The following CAMTA1 variants were observed in gnomAD, a reference collection of about 807,000 sequenced individuals.
CAMTA1 encodes calmodulin-binding transcription activator 1.
In CAMTA1, 27 loss-of-function variants were observed where a neutral mutation model predicts 170.9. That is an observed-to-expected ratio of 0.16 (90% CI 0.12 to 0.22). The LOEUF (loss-of-function observed/expected upper bound fraction) is 0.22. CAMTA1 is among the 10% of genes least tolerant of loss of function. CAMTA1 has a pLI of 1.00. For missense variants in CAMTA1, 1,619 were observed against 2,217.2 expected (o/e 0.73, Z 5.42); for synonymous variants, 833 against 891.5 (o/e 0.93, Z 1.17).
chr1:7,317,045 C>T (rs577601119), intron 5 of CAMTA1, among the ~76,000 whole-genome samples: 2 of 152,350 alleles, frequency 1.3e-5, no homozygotes, highest in South Asian at 4.1e-4. Context: ...GATGTGGACC[C>T]TGTTCTTGGA....
chr1:7,480,121 G>A (rs2093491812), intron 6 of CAMTA1, among the ~76,000 whole-genome samples: 1 of 150,306 alleles, frequency 6.7e-6, no homozygotes, highest in African/African-American at 2.4e-5. Flanking sequence ...GTGTGTGTGT[G>A]TGAGTATGTG....
chr1:7,755,749 C>T (rs902249949), intron 22 of CAMTA1, 81 bp downstream of exon 22: 6 of 1,178,680 alleles, frequency 5.1e-6, no homozygotes, highest in Non-Finnish European at 7.7e-6. Context: ...CATGAGGCTG[C>T]AGCCTAGGTA....
rs935461551 is a variant in CAMTA1 at position 7,251,144 on chromosome 1, G to T, written c.438+1518G>T. Among the ~76,000 whole-genome samples the T allele has an allele frequency of 1.3e-5, 2 of 152,148 alleles. No homozygotes were observed. The highest frequency in any genetic ancestry group is 3.9e-4 in the East Asian group (2 of 5,192). ...CAGCTCCTGTGCCCGTAGGCCCCTG[G>T]TATATTTCATCTTTAGTAATACGTA... On this transcript the variant is annotated intron_variant, in intron 5 of 22. Transcript: ENST00000303635. The surrounding 1 kb of genome is among the most constrained non-coding windows in gnomAD (Gnocchi z 5.1).
At chr1:7,503,270 A>G (rs2149813872) in intron 6 of CAMTA1, among the ~76,000 whole-genome samples, 1 of 152,254 alleles carries the variant, frequency 6.6e-6, no homozygotes, top group South Asian at 2.1e-4. Context: ...CAGGGCATGG[A>G]GGGCCCTCCC....
At chr1:7,716,143 C>G (rs1381802013) in intron 11 of CAMTA1, among the ~76,000 whole-genome samples, 1 of 152,156 alleles carries the variant, frequency 6.6e-6, no homozygotes, top group Admixed American at 6.6e-5. Flanking sequence ...CGTGATCCCC[C>G]CATCTCAGCC....
chr1:6,802,330 A>T (rs1405872279), intron 1 of CAMTA1, among the ~76,000 whole-genome samples: 2 of 152,204 alleles, frequency 1.3e-5, no homozygotes, highest in African/African-American at 4.8e-5. Context: ...GTACAAAAAT[A>T]TTCAAGACTG....
intron 6 of CAMTA1, among the ~76,000 whole-genome samples, chr1:7,558,773 C>G (rs1044932615): frequency 6.6e-6 from 1 of 152,194 alleles, no homozygotes; most frequent in African/African-American, 2.4e-5. Context: ...ACTCGCCTGC[C>G]GAGGCTGTCA....
At chr1:7,346,495 T>G (rs1485080675) in intron 5 of CAMTA1, among the ~76,000 whole-genome samples, 1 of 152,078 alleles carries the variant, frequency 6.6e-6, no homozygotes, top group Non-Finnish European at 1.5e-5. Context: ...CTTAACTGGG[T>G]GAAATTTTAA....
At chr1:7,376,249 G>A (rs1011267482) in intron 5 of CAMTA1, among the ~76,000 whole-genome samples, 55 of 152,322 alleles carry the variant, frequency 3.6e-4, no homozygotes, top group Non-Finnish European at 7.6e-4. Flanking sequence ...CTGCCAACTC[G>A]AAGGGCCTGG....
chr1:7,681,024 G>C lies in CAMTA1; in HGVS notation c.2914+3291G>C, dbSNP rs942043360. Among the ~76,000 whole-genome samples, 2 of 152,160 alleles carry C rather than the reference G, an allele frequency of 1.3e-5. No homozygotes were observed. Among genetic ancestry groups the C allele is most frequent in the East Asian group, 3.9e-4 (2 of 5,150 alleles). On this transcript the variant is annotated intron_variant, in intron 11 of 22. Coordinates refer to ENST00000303635, the MANE Select transcript of CAMTA1 (RefSeq NM_015215.4). The surrounding 1 kb of genome is among the most constrained non-coding windows in gnomAD (Gnocchi z 4.6). ...GGGACCCGACGTCCCCAAAATCTCA[G>C]CTGGGGCGCAGCCATCCTGGGAGAG... is the stretch of plus-strand genomic sequence containing the variant.
intron 3 of CAMTA1, among the ~76,000 whole-genome samples, chr1:6,914,567 C>T (rs1680394429): frequency 6.6e-6 from 1 of 152,208 alleles, no homozygotes; most frequent in Non-Finnish European, 1.5e-5. Flanking sequence ...ATGCAATGGC[C>T]ATTTTTTGTG....
chr1:6,870,925 G>C (rs562388334), intron 3 of CAMTA1, among the ~76,000 whole-genome samples: 1 of 152,180 alleles, frequency 6.6e-6, no homozygotes, highest in Non-Finnish European at 1.5e-5. Context: ...AAATTATTTA[G>C]TATAACCATT....
At chr1:7,571,451 C>T (rs2095124734) in intron 6 of CAMTA1, among the ~76,000 whole-genome samples, 1 of 152,046 alleles carries the variant, frequency 6.6e-6, no homozygotes, top group African/African-American at 2.4e-5. Context: ...AACATAGTAC[C>T]CAATAACTAT....
At chr1:7,735,466 AGAAG>A (rs1482936376) in intron 12 of CAMTA1, among the ~76,000 whole-genome samples, 1 of 151,754 alleles carries the variant, frequency 6.6e-6, no homozygotes, top group Non-Finnish European at 1.5e-5. Context: ...AAAAGAAAAA[AGAAG>A]AAGAAGAAAG....
chr1:7,125,989 C>T (rs1644910898), intron 4 of CAMTA1, among the ~76,000 whole-genome samples: 2 of 152,062 alleles, frequency 1.3e-5, no homozygotes, highest in Non-Finnish European at 2.9e-5. Flanking sequence ...TTCCACATGG[C>T]TGGGGAGGCC....
At chr1:7,157,385 C>CA (rs57716736) in intron 4 of CAMTA1, among the ~76,000 whole-genome samples, 86,791 of 141,504 alleles carry the variant, frequency 0.61, 26,390 homozygotes, top group African/African-American at 0.65. Flanking sequence ...AAACAAAAAA[C>CA]AAAAAAAAAT....
rs919107311 is a variant in CAMTA1 at position 7,547,670 on chromosome 1, C to G, written c.510+79769C>G. On this transcript the variant is annotated intron_variant, in intron 6 of 22. Coordinates refer to ENST00000303635, the MANE Select transcript of CAMTA1 (RefSeq NM_015215.4). The surrounding 1 kb of genome is among the most constrained non-coding windows in gnomAD (Gnocchi z 5.7). ...ATGTGGCCCAACACAAATTCATAAA[C>G]TTTCCTAAAACATTATGAGACTTTT... Among the ~76,000 whole-genome samples, 1 of 150,698 alleles carries G rather than the reference C, an allele frequency of 6.6e-6. No homozygotes were observed. The highest frequency in any genetic ancestry group is 2.5e-5 in the African/African-American group (1 of 40,496).
At chr1:6,837,631 G>C (rs991726133) in intron 3 of CAMTA1, among the ~76,000 whole-genome samples, 2 of 152,194 alleles carry the variant, frequency 1.3e-5, no homozygotes, top group Admixed American at 1.3e-4. Flanking sequence ...TCTTTCAGCT[G>C]TGTAGCAACA....
At chr1:7,579,749 G>A (rs1295726959) in intron 6 of CAMTA1, among the ~76,000 whole-genome samples, 7 of 151,690 alleles carry the variant, frequency 4.6e-5, no homozygotes, top group Admixed American at 3.3e-4. Context: ...CAGTAGAGAC[G>A]GGGTTTCACC....
Sources: gnomAD v4.1 joint callset for allele counts (sites outside exome capture counted in the v4.1 genomes callset) on GRCh38, gnomAD v4.1.1 for gene constraint, Gnocchi (gnomAD v3.1) non-coding constraint, MANE v1.5 for transcripts, NCBI Gene and HGNC (gene_info 2026-07-23, HGNC 2026-07-21) for gene names.